Variants in CEBPG observed in about 807,000 individuals in gnomAD.
CEBPG encodes the protein CCAAT/enhancer-binding protein gamma.
A neutral mutation model predicts 11.1 loss-of-function variants in CEBPG; 6 were observed. The ratio of observed to expected loss-of-function variants is 0.54; its 90% CI spans 0.30 to 1.07. The LOEUF (loss-of-function observed/expected upper bound fraction) is 1.07. Ranked by LOEUF, CEBPG falls within the 50% of genes least tolerant of loss-of-function variation. CEBPG has a pLI of 0.07. For missense variants in CEBPG, 161 were observed against 187.4 expected (o/e 0.86, Z 0.82); for synonymous variants, 66 against 71.0 (o/e 0.93, Z 0.36).
intron 1 of CEBPG, among the ~76,000 whole-genome samples, chr19:33,374,954 T>C (rs1245924771): frequency 1.3e-5 from 2 of 152,200 alleles, no homozygotes; most frequent in Admixed American, 6.5e-5. Flanking sequence ...ACCTAGAAGC[T>C]CTTGATATTT....
rs543599683 is a variant in CEBPG at position 33,373,710 on chromosome 19, C to G, written c.-282C>G. The G allele has an allele frequency of 3.9e-5, 6 of 151,950 alleles. No homozygotes were observed. In the South Asian group the frequency reaches 1.2e-3, roughly 31 times the overall value. 9.4% of individuals were successfully genotyped at this position (151,950 alleles called of 1,614,324 possible). On this transcript the variant is annotated 5_prime_UTR_variant, in exon 1 of 2. Coordinates refer to ENST00000284000, the MANE Select transcript of CEBPG (RefSeq NM_001806.4). ...ATTGGCCGGGATGGCGGCGGCGGCG[C>G]GCGCGGCCCCGGCGAGCAGGGGAAG...
Position 33,381,588 on chromosome 19 carries a change from G to C in CEBPG, c.*1896G>C, listed in dbSNP as rs1237438617. 1.2e-5 allele frequency: 2 copies of C among 167,072 alleles called. No homozygotes were observed. The highest frequency in any genetic ancestry group is 2.9e-5 in the Non-Finnish European group (2 of 68,112). 10.3% of individuals were successfully genotyped at this position (167,072 alleles called of 1,614,324 possible). On this transcript the variant is annotated 3_prime_UTR_variant, in exon 2 of 2. Coordinates refer to ENST00000284000, the MANE Select transcript of CEBPG (RefSeq NM_001806.4). ...GGATCCTACTGGCTCCTTAGCAGCTGATTGGTGTTACATAATTAACTTAAT... is the reference window on the plus strand; with the variant it reads ...GGATCCTACTGGCTCCTTAGCAGCTCATTGGTGTTACATAATTAACTTAAT...
Position 33,381,992 on chromosome 19 carries a change from G to A in CEBPG, c.*2300G>A, listed in dbSNP as rs1265587331. On this transcript the variant is annotated 3_prime_UTR_variant, in exon 2 of 2. Coordinates refer to ENST00000284000, the MANE Select transcript of CEBPG (RefSeq NM_001806.4). The stretch of plus-strand genomic sequence containing the variant: ...ATCAGTATAAAATTAGGGAAACCAC[G>A]TGTGGGGAATGAATCAATTTAGAGC... The A allele has an allele frequency of 3.0e-5, 5 of 167,094 alleles. No individual in the cohort carries two copies. The South Asian group carries it at 6.2e-4, about 21-fold the overall frequency. 10.4% of individuals were successfully genotyped at this position (167,094 alleles called of 1,614,324 possible).
At chr19:33,374,102 A>C (rs923956935) in intron 1 of CEBPG, among the ~76,000 whole-genome samples, 26 of 149,436 alleles carry the variant, frequency 1.7e-4, no homozygotes, top group East Asian at 9.9e-4. Context: ...CCCGGCGGGG[A>C]CGCTGAGCTC....
Position 33,377,064 on chromosome 19 carries a change from G to A in CEBPG, c.-96-2080G>A, listed in dbSNP as rs563112007. Among the ~76,000 whole-genome samples the A allele has an allele frequency of 7.6e-4, 116 of 152,280 alleles. 1 individual carries two copies. Among genetic ancestry groups the A allele is most frequent in the African/African-American group, 2.2e-3 (93 of 41,552 alleles). ...CTTTAAAACCTCACCTACCACACACGTTCAGCCTAGTACCTTGCAAGATGA... is the reference window on the plus strand; with the variant it reads ...CTTTAAAACCTCACCTACCACACACATTCAGCCTAGTACCTTGCAAGATGA... On this transcript the variant is annotated intron_variant, in intron 1 of 1. Transcript: ENST00000284000.
At position 33,379,812 on chromosome 19, in the gene CEBPG, C is replaced by T. The variant is rs1967963170; in HGVS notation, c.*120C>T. 2 of 910,942 alleles carry T rather than the reference C, an allele frequency of 2.2e-6. No homozygotes were observed. The highest frequency in any genetic ancestry group is 3.3e-6 in the Non-Finnish European group (2 of 607,766). The allele number at this position is 910,942 out of a possible 1,614,324, so 56.4% of individuals were successfully genotyped here. ...CCATGACTCAAAGACCCATTGGAGG[C>T]TATTTTCTGGGATCAGCACTGAAGA... On this transcript the variant is annotated 3_prime_UTR_variant, in exon 2 of 2. Coordinates refer to ENST00000284000, the MANE Select transcript of CEBPG (RefSeq NM_001806.4).
At chr19:33,374,890 G>C (rs1967893819) in intron 1 of CEBPG, among the ~76,000 whole-genome samples, 1 of 152,204 alleles carries the variant, frequency 6.6e-6, no homozygotes, top group Admixed American at 6.5e-5. Flanking sequence ...GTGACTCCCA[G>C]AGAAAATTTT....
intron 1 of CEBPG, among the ~76,000 whole-genome samples, chr19:33,378,701 C>T (rs1334495338): frequency 6.6e-6 from 1 of 152,190 alleles, no homozygotes; most frequent in Non-Finnish European, 1.5e-5. Flanking sequence ...AGCATGAGAG[C>T]GCTGGAGACA....
chr19:33,379,801 C>A lies in CEBPG; in HGVS notation c.*109C>A. ...GTTGTCCATTTCCATGACTCAAAGA[C>A]CCATTGGAGGCTATTTTCTGGGATC... On this transcript the variant is annotated 3_prime_UTR_variant, in exon 2 of 2. Transcript: ENST00000284000. 1 of 1,003,562 alleles carries A rather than the reference C, an allele frequency of 1.0e-6. No individual in the cohort carries two copies. Among genetic ancestry groups the A allele is most frequent in the Non-Finnish European group, 1.4e-6 (1 of 690,020 alleles). 62.2% of individuals were successfully genotyped at this position (1,003,562 alleles called of 1,614,324 possible). A position where few individuals can be genotyped will look rare whatever the true frequency, so the allele number is the denominator to read the frequency against.
At chr19:33,376,230 G>T (rs552837932) in intron 1 of CEBPG, among the ~76,000 whole-genome samples, 2 of 152,304 alleles carry the variant, frequency 1.3e-5, no homozygotes, top group African/African-American at 4.8e-5. Context: ...TAGGTCTGTG[G>T]AGAAAAGGGA....
chr19:33,377,031 G>T (rs1425666842), intron 1 of CEBPG, among the ~76,000 whole-genome samples: 1 of 152,182 alleles, frequency 6.6e-6, no homozygotes, highest in Non-Finnish European at 1.5e-5. Flanking sequence ...TCAGGCCAAA[G>T]GGCTTACCTT....
At position 33,381,883 on chromosome 19, in the gene CEBPG, TAGGC is replaced by T. The variant is rs1967993767; in HGVS notation, c.*2194_*2197del. The T allele has an allele frequency of 6.0e-6, 1 of 167,078 alleles. No individual in the cohort carries two copies. Among genetic ancestry groups the T allele is most frequent in the African/African-American group, 2.4e-5 (1 of 41,464 alleles). The allele number at this position is 167,078 out of a possible 1,614,324, so 10.3% of individuals were successfully genotyped here. A position where few individuals can be genotyped will look rare whatever the true frequency, so the allele number is the denominator to read the frequency against. On this transcript the variant is annotated 3_prime_UTR_variant, in exon 2 of 2. Coordinates refer to ENST00000284000, the MANE Select transcript of CEBPG (RefSeq NM_001806.4). ...GCAAAGTTTAGCAGAAGCAAGCAATTAGGCAGAGAACAAAAATGTTAAGCATGGT... is the reference window on the plus strand; with the variant it reads ...GCAAAGTTTAGCAGAAGCAAGCAATTAGAGAACAAAAATGTTAAGCATGGT...
rs1381415403 is a variant in CEBPG, at chr19:33,381,418, G to A, written c.*1726G>A. Reference sequence around the variant, plus strand: ...AATGTAAAACTGGAGCCCAGGAGAAGCTGTCCCAGGAGGGCTGTTAACTCC... The same window carrying A: ...AATGTAAAACTGGAGCCCAGGAGAAACTGTCCCAGGAGGGCTGTTAACTCC... On this transcript the variant is annotated 3_prime_UTR_variant, in exon 2 of 2. Transcript: ENST00000284000. The A allele has an allele frequency of 6.0e-6, 1 of 167,080 alleles. No individual in the cohort carries two copies. Among genetic ancestry groups the A allele is most frequent in the East Asian group, 1.9e-4 (1 of 5,198 alleles). 10.3% of individuals were successfully genotyped at this position (167,080 alleles called of 1,614,324 possible).
rs540461004 is a variant in CEBPG, at chr19:33,374,127, C to T, written c.-97+232C>T. On this transcript the variant is annotated intron_variant, in intron 1 of 1. Transcript: ENST00000284000. ...ACGCTGAGCTCATTCCTGGCCGCGG[C>T]CCAGCGCTGCGGCGCCGCCCGTCGA... Among the ~76,000 whole-genome samples, 868 of 149,374 alleles carry T rather than the reference C, an allele frequency of 5.8e-3. 9 individuals carry two copies. Among genetic ancestry groups the T allele is most frequent in the African/African-American group, 0.02 (836 of 41,208 alleles).
At position 33,379,335 on chromosome 19, in the gene CEBPG, T is replaced by C. The variant is rs535892066; in HGVS notation, c.96T>C (p.Pro32=). The C allele has an allele frequency of 1.9e-6, 3 of 1,613,848 alleles. No homozygotes were observed. In the South Asian group the frequency reaches 3.3e-5, roughly 18 times the overall value. ...QAHASGLQQV[P]QLVPAGPGGG... ...ATGCCAGCGGCTTACAGCAGGTTCC[T>C]CAGCTGGTGCCTGCTGGCCCTGGGG... Residue 32 remains proline, a synonymous_variant, in exon 2 of 2, where the codon CCT becomes CCC. Transcript: ENST00000284000.
chr19:33,381,744 GA>G lies in CEBPG; in HGVS notation c.*2057del, dbSNP rs1310802849. On this transcript the variant is annotated 3_prime_UTR_variant, in exon 2 of 2. Coordinates refer to ENST00000284000, the MANE Select transcript of CEBPG (RefSeq NM_001806.4). Reference sequence around the variant, plus strand: ...TTATATGAATTGACTTAAGTATCTTGAAAAAGAAACTTTAGAGAAAGCATCA... The same window carrying G: ...TTATATGAATTGACTTAAGTATCTTGAAAAGAAACTTTAGAGAAAGCATCA... The G allele has an allele frequency of 1.2e-5, 2 of 167,042 alleles. No homozygotes were observed. Among genetic ancestry groups the G allele is most frequent in the Non-Finnish European group, 2.9e-5 (2 of 68,106 alleles). 10.3% of individuals were successfully genotyped at this position (167,042 alleles called of 1,614,324 possible).
rs934950441 is a variant in CEBPG at position 33,379,782 on chromosome 19, C to T, written c.*90C>T. 7.3e-6 allele frequency: 9 copies of T among 1,240,138 alleles called. No homozygotes were observed. In the African/African-American group the frequency reaches 1.1e-4, roughly 15 times the overall value. 76.8% of individuals were successfully genotyped at this position (1,240,138 alleles called of 1,614,324 possible). On this transcript the variant is annotated 3_prime_UTR_variant, in exon 2 of 2. Transcript: ENST00000284000. ...CTCATGTCAATGGCTGAAAGTTGTC[C>T]ATTTCCATGACTCAAAGACCCATTG...
chr19:33,373,999 GCCCCAGA>G (rs2145307774), intron 1 of CEBPG, 104 bp downstream of exon 1: 1 of 150,824 alleles, frequency 6.6e-6, no homozygotes, highest in Admixed American at 6.6e-5. Context: ...CCCAGCCCCG[GCCCCAGA>G]CGGCCCGCTG....
In CEBPG at chr19:33,381,546, G is replaced by T. The variant is rs754546451; in HGVS notation, c.*1854G>T. ...GGATGAGAGATGTTTTGAAAAACTA[G>T]CCAGGACACACCCACAGGATCCTAC... is the stretch of plus-strand genomic sequence containing the variant. On this transcript the variant is annotated 3_prime_UTR_variant, in exon 2 of 2. Transcript: ENST00000284000. 1 of 167,064 alleles carries T rather than the reference G, an allele frequency of 6.0e-6. No individual in the cohort carries two copies. Among genetic ancestry groups the T allele is most frequent in the Non-Finnish European group, 1.5e-5 (1 of 68,132 alleles). The allele number at this position is 167,064 out of a possible 1,614,324, so 10.3% of individuals were successfully genotyped here. A position where few individuals can be genotyped will look rare whatever the true frequency, so the allele number is the denominator to read the frequency against.
Sources: gnomAD v4.1 joint callset for allele counts (sites outside exome capture counted in the v4.1 genomes callset) on GRCh38, gnomAD v4.1.1 for gene constraint, MANE v1.5 for transcripts, NCBI Gene and HGNC (gene_info 2026-07-23, HGNC 2026-07-21) for gene names.